The following DRC4 variants were observed in gnomAD, a reference collection of about 807,000 sequenced individuals.
DRC4 encodes the protein GAS-11.
At chr16:90,032,839 T>C in the DRC4 span, 1 of 1,613,912 alleles carries the variant, frequency 6.2e-7, no homozygotes, top group South Asian at 1.1e-5. Context: ...CAGGAGAGTG[T>C]GCTGCGCAAG....
chr16:90,040,874 C>T, the DRC4 span, among the ~76,000 whole-genome samples: 6 of 151,220 alleles, frequency 4.0e-5, no homozygotes, highest in South Asian at 2.1e-4. Flanking sequence ...CGACGGGTCC[C>T]GGCCCAGTGG....
At chr16:90,038,199 A>T in the DRC4 span, among the ~76,000 whole-genome samples, 3 of 152,184 alleles carry the variant, frequency 2.0e-5, no homozygotes, top group Non-Finnish European at 2.9e-5. Flanking sequence ...AAAGCACATG[A>T]GGGAGGCTCT....
chr16:90,031,664 G>A, the DRC4 span, among the ~76,000 whole-genome samples: 1 of 152,124 alleles, frequency 6.6e-6, no homozygotes, highest in Non-Finnish European at 1.5e-5. Flanking sequence ...GGTCCTGAGG[G>A]TTTAAAATGC....
At chr16:90,025,334 A>T in the DRC4 span, among the ~76,000 whole-genome samples, 1 of 151,104 alleles carries the variant, frequency 6.6e-6, no homozygotes, top group Non-Finnish European at 1.5e-5. Flanking sequence ...TAATGTTTTC[A>T]TTCAGGACTA....
At chr16:90,022,959 A>T in the DRC4 span, among the ~76,000 whole-genome samples, 1 of 152,146 alleles carries the variant, frequency 6.6e-6, no homozygotes, top group Admixed American at 6.5e-5. Context: ...CCCTGTGCTC[A>T]CAGGGGTGGT....
the DRC4 span, among the ~76,000 whole-genome samples, chr16:90,023,588 T>C: frequency 6.6e-6 from 1 of 151,484 alleles, no homozygotes; most frequent in Non-Finnish European, 1.5e-5. Flanking sequence ...GGTAGCCTTC[T>C]TGGAGTGGAG....
the DRC4 span, chr16:90,043,639 C>G: frequency 2.4e-5 from 14 of 578,386 alleles, no homozygotes; most frequent in South Asian, 2.0e-4. Flanking sequence ...CAGAGTGCCC[C>G]GCACTCACCT....
At chr16:90,020,580 T>C in the DRC4 span, among the ~76,000 whole-genome samples, 4 of 152,210 alleles carry the variant, frequency 2.6e-5, no homozygotes, top group African/African-American at 7.2e-5. Context: ...TTAAGCCACA[T>C]ATGTGAAGAA....
At chr16:90,029,480 C>A in the DRC4 span, 1 of 448,564 alleles carries the variant, frequency 2.2e-6, no homozygotes, top group Non-Finnish European at 4.0e-6. Context: ...CCATGTGAGC[C>A]AAACAGACCA....
chr16:90,022,632 G>T, the DRC4 span: 24 of 1,340,776 alleles, frequency 1.8e-5, no homozygotes, highest in Middle Eastern at 8.1e-4. Flanking sequence ...ACTTATCGCG[G>T]CATCGCCCAG....
At chr16:90,033,152 G>A in the DRC4 span, among the ~76,000 whole-genome samples, 1 of 152,156 alleles carries the variant, frequency 6.6e-6, no homozygotes. Context: ...AAAAATTGAC[G>A]TCACCGAAGA....
chr16:90,023,138 C>T, the DRC4 span, among the ~76,000 whole-genome samples: 1 of 152,184 alleles, frequency 6.6e-6, no homozygotes, highest in African/African-American at 2.4e-5. Context: ...TGGAATAGAG[C>T]CGGAGGCAGG....
chr16:90,025,964 T>G, the DRC4 span, among the ~76,000 whole-genome samples: 3 of 151,912 alleles, frequency 2.0e-5, no homozygotes, highest in Admixed American at 1.3e-4. Flanking sequence ...TTAAAAACGT[T>G]ACATAGCTGG....
At chr16:90,043,403 C>T in the DRC4 span, 9 of 1,484,102 alleles carry the variant, frequency 6.1e-6, no homozygotes, top group Non-Finnish European at 8.2e-6. Flanking sequence ...CGGGATGACA[C>T]CCCTTATCAC....
At chr16:90,036,412 G>C in the DRC4 span, 1 of 1,610,642 alleles carries the variant, frequency 6.2e-7, no homozygotes, top group African/African-American at 1.3e-5. Context: ...AGAAGATGAA[G>C]ATGCTGAGGG....
the DRC4 span, among the ~76,000 whole-genome samples, chr16:90,041,321 AC>A: frequency 6.6e-6 from 1 of 152,146 alleles, no homozygotes; most frequent in African/African-American, 2.4e-5. Flanking sequence ...CCGCAGGGAC[AC>A]TGTTTGCTGC....
At chr16:90,044,461 G>T in the DRC4 span, 1 of 469,412 alleles carries the variant, frequency 2.1e-6, no homozygotes, top group Non-Finnish European at 4.4e-6. Flanking sequence ...ATCCCAGTGA[G>T]TCATGAGCCT....
the DRC4 span, among the ~76,000 whole-genome samples, chr16:90,027,323 C>T: frequency 1.3e-5 from 2 of 151,376 alleles, no homozygotes; most frequent in East Asian, 3.9e-4. Flanking sequence ...CTCCTGACCT[C>T]GTGATCCGTC....
the DRC4 span, chr16:90,036,999 C>T: frequency 5.1e-6 from 3 of 583,264 alleles, no homozygotes; most frequent in East Asian, 5.8e-5. Flanking sequence ...TTGGTGGAAT[C>T]TTGAACAAAG....
Sources: allele counts gnomAD v4.1 joint callset (sites outside exome capture counted in the v4.1 genomes callset), GRCh38; gene constraint gnomAD v4.1.1; transcripts MANE v1.5; gene names NCBI Gene and HGNC (gene_info 2026-07-23, HGNC 2026-07-21).